Variants in LAMA2 observed in about 807,000 individuals in gnomAD.
LAMA2 encodes laminin subunit alpha-2.
A neutral mutation model predicts 364.8 loss-of-function variants in LAMA2; 269 were observed. The ratio of observed to expected loss-of-function variants is 0.74; its 90% CI spans 0.67 to 0.82. The LOEUF (loss-of-function observed/expected upper bound fraction) is 0.82, where lower values mean the gene tolerates loss of function less well. Ranked by LOEUF, LAMA2 falls within the 40% of genes least tolerant of loss-of-function variation. The pLI is 0.00. For missense variants in LAMA2, 3,807 were observed against 3,873.2 expected, an observed-to-expected ratio of 0.98 and a Z score of 0.45; for synonymous variants, 1,379 against 1,370.6, an observed-to-expected ratio of 1.01 and a Z score of -0.14.
intron 1 of LAMA2, among the ~76,000 whole-genome samples, chr6:128,918,589 C>T (rs1778497671): frequency 6.6e-6 from 1 of 152,176 alleles, no homozygotes; most frequent in Admixed American, 6.5e-5. Context: ...GAACTAAAAA[C>T]CTAGTGGTCT....
rs775928857 is a variant in LAMA2 at position 129,186,989 on chromosome 6, C to T, written c.1468-3216C>T. ...ACGAATAATATAAAGAATAAAGCAA[C>T]GATAAGAAATAATGAGCAGAGCATT... is the stretch of plus-strand genomic sequence containing the variant. On this transcript the variant is annotated intron_variant, in intron 10 of 64. Coordinates refer to ENST00000421865, the MANE Select transcript of LAMA2 (RefSeq NM_000426.4). Among the ~76,000 whole-genome samples, 13 of 151,562 alleles carry T rather than the reference C, an allele frequency of 8.6e-5. No homozygotes were observed. The South Asian group carries it at 2.1e-3, about 24-fold the overall frequency.
chr6:129,243,074 T>C (rs963808965), intron 12 of LAMA2, among the ~76,000 whole-genome samples: 3 of 152,134 alleles, frequency 2.0e-5, no homozygotes, highest in South Asian at 2.1e-4. Context: ...TAAAATTTTG[T>C]CTGCCTACCA....
chr6:129,115,163 C>T (rs767221993), intron 4 of LAMA2, among the ~76,000 whole-genome samples: 5 of 151,920 alleles, frequency 3.3e-5, no homozygotes, highest in Non-Finnish European at 5.9e-5. Context: ...GCCCAGAAAA[C>T]CATGCATTAA....
chr6:129,182,393 A>G (rs76407171), intron 10 of LAMA2, among the ~76,000 whole-genome samples: 2,555 of 151,788 alleles, frequency 0.017, 37 homozygotes, highest in South Asian at 0.035. Context: ...CCAAACATTT[A>G]CCCCAAAAAA....
chr6:129,328,030 G>C (rs995634787), intron 28 of LAMA2, among the ~76,000 whole-genome samples: 1 of 152,118 alleles, frequency 6.6e-6, no homozygotes, highest in Admixed American at 6.5e-5. Context: ...TTTTCAGGCT[G>C]AATTGTATCT....
chr6:129,202,621 T>C (rs867336168), intron 12 of LAMA2, among the ~76,000 whole-genome samples: 4 of 152,168 alleles, frequency 2.6e-5, no homozygotes, highest in South Asian at 2.1e-4. Flanking sequence ...TGTTATTTTG[T>C]TGTAGCAGCC....
chr6:129,467,504 T>C (rs1783603867), intron 51 of LAMA2, among the ~76,000 whole-genome samples: 1 of 151,858 alleles, frequency 6.6e-6, no homozygotes, highest in Non-Finnish European at 1.5e-5. Flanking sequence ...CACCTGGATC[T>C]AAAATTGTGA....
At chr6:128,964,441 T>A (rs1781721152) in intron 1 of LAMA2, among the ~76,000 whole-genome samples, 1 of 152,100 alleles carries the variant, frequency 6.6e-6, no homozygotes, top group Non-Finnish European at 1.5e-5. Context: ...AATATTGGCA[T>A]GATTTTATAG....
rs774920109 is a variant in LAMA2 at position 129,465,141 on chromosome 6, A to C, written c.7156-4A>C. 1.4e-5 allele frequency: 23 copies of C among 1,607,704 alleles called. No individual in the cohort carries two copies. Among genetic ancestry groups the C allele is most frequent in the Non-Finnish European group, 1.9e-5 (22 of 1,174,744 alleles). On this transcript the variant is annotated splice_region_variant and splice_polypyrimidine_tract_variant and intron_variant, in intron 50 of 64. Coordinates refer to ENST00000421865, the MANE Select transcript of LAMA2 (RefSeq NM_000426.4). ...CCACTGGGGTATGTTTACTCTATTA[A>C]TAGAGAGATTTCATGAGTGTGGAGC...
chr6:128,930,937 T>C lies in LAMA2; in HGVS notation c.112+47580T>C, dbSNP rs140951471. 1.5e-3 allele frequency among the ~76,000 whole-genome samples: 235 copies of C among 152,310 alleles called. 2 individuals are homozygous for C. The highest frequency in any genetic ancestry group is 5.3e-3 in the African/African-American group (221 of 41,558). ...CACGTTCGCTTTTCTGTTCCTATGA[T>C]TCTAAGATGCTCTCTGCTAGTCCTG... On this transcript the variant is annotated intron_variant, in intron 1 of 64. Transcript: ENST00000421865.
chr6:129,189,015 G>A (rs1781383961), intron 10 of LAMA2, among the ~76,000 whole-genome samples: 1 of 152,002 alleles, frequency 6.6e-6, no homozygotes, highest in Admixed American at 6.6e-5. Context: ...AGATTTATTT[G>A]AACTTAATAA....
intron 10 of LAMA2, among the ~76,000 whole-genome samples, chr6:129,189,926 T>C (rs1408382019): frequency 2.0e-5 from 3 of 152,160 alleles, no homozygotes; most frequent in Non-Finnish European, 4.4e-5. Flanking sequence ...GTATTTATCA[T>C]GACATTTACT....
At chr6:128,909,977 T>G (rs1194149953) in intron 1 of LAMA2, among the ~76,000 whole-genome samples, 1 of 152,180 alleles carries the variant, frequency 6.6e-6, no homozygotes, top group African/African-American at 2.4e-5. Flanking sequence ...CACTCTCTTC[T>G]GGCTTGTAGG....
At chr6:129,326,461 C>T (rs1775290070) in intron 28 of LAMA2, among the ~76,000 whole-genome samples, 1 of 152,000 alleles carries the variant, frequency 6.6e-6, no homozygotes, top group East Asian at 1.9e-4. Flanking sequence ...TGTACAATTC[C>T]TCGATGAGGA....
At chr6:129,361,975 G>A (rs1264291251) in intron 32 of LAMA2, among the ~76,000 whole-genome samples, 1 of 151,620 alleles carries the variant, frequency 6.6e-6, no homozygotes, top group African/African-American at 2.4e-5. Flanking sequence ...GTAGAGATGG[G>A]GTTTCACCAT....
At chr6:129,366,506 C>A in intron 33 of LAMA2, 145 bp downstream of exon 33, 1 of 910,086 alleles carries the variant, frequency 1.1e-6, no homozygotes, top group Non-Finnish European at 1.7e-6. Context: ...CTTTCTTAAC[C>A]AGTGTTTTTC....
intron 22 of LAMA2, among the ~76,000 whole-genome samples, chr6:129,303,172 A>T (rs1159675458): frequency 6.6e-6 from 1 of 152,138 alleles, no homozygotes; most frequent in African/African-American, 2.4e-5. Flanking sequence ...CTTTGCATAT[A>T]TATTGTTAAA....
chr6:129,077,661 T>G (rs1773747303), intron 3 of LAMA2, among the ~76,000 whole-genome samples: 2 of 152,218 alleles, frequency 1.3e-5, no homozygotes. Context: ...CTATGTGCTG[T>G]ATAGCACCTT....
At chr6:129,417,273 C>T (rs1172668168) in intron 40 of LAMA2, among the ~76,000 whole-genome samples, 1 of 152,146 alleles carries the variant, frequency 6.6e-6, no homozygotes, top group Non-Finnish European at 1.5e-5. Context: ...CAGTGCAACT[C>T]TCAGGAGGCC....
Sources: gnomAD v4.1 joint callset for allele counts (sites outside exome capture counted in the v4.1 genomes callset) on GRCh38, gnomAD v4.1.1 for gene constraint, MANE v1.5 for transcripts, NCBI Gene and HGNC (gene_info 2026-07-23, HGNC 2026-07-21) for gene names.